ORC5: variants seen among roughly 807,000 people sequenced by gnomAD.
ORC5 encodes the protein origin recognition complex subunit 5, also known as protein phosphatase 1, regulatory subunit 117.
A neutral mutation model predicts 58.8 loss-of-function variants in ORC5; 39 were observed. That is an observed-to-expected ratio of 0.66 (90% CI 0.51 to 0.87). ORC5 has a LOEUF of 0.87. ORC5 is among the 40% of genes least tolerant of loss of function. The pLI, the probability that ORC5 is intolerant of heterozygous loss-of-function variation, is 0.00. For synonymous variants in ORC5, 218 were observed against 177.6 expected (o/e 1.23, Z -1.81); for missense variants, 493 against 506.3 (o/e 0.97, Z 0.25).
rs1005707744 is a variant in ORC5 at position 104,133,386 on chromosome 7, T to C, written c.1262+3395A>G. Among the ~76,000 whole-genome samples, 2 of 151,250 alleles carry C rather than the reference T, an allele frequency of 1.3e-5. No individual in the cohort carries two copies. The highest frequency in any genetic ancestry group is 6.6e-5 in the Admixed American group (1 of 15,194). On this transcript the variant is annotated intron_variant, in intron 13 of 13. Coordinates refer to ENST00000297431, the MANE Select transcript of ORC5 (RefSeq NM_002553.4). This position sits in a 1 kb window ranked among gnomAD's most constrained non-coding sequence, Gnocchi z 4.7. Reference sequence around the variant, plus strand: ...AGGACTAATGGTTAAATATTAGGAGTGGGGGAGAGAGAGATGTCAAGAAGG... The same window carrying C: ...AGGACTAATGGTTAAATATTAGGAGCGGGGGAGAGAGAGATGTCAAGAAGG...
chr7:104,173,876 G>A (rs948308888), intron 8 of ORC5, among the ~76,000 whole-genome samples: 3 of 124,756 alleles, frequency 2.4e-5, no homozygotes, highest in Non-Finnish European at 3.3e-5. Flanking sequence ...ACGGAGTCTC[G>A]CTCTGTCGCC....
intron 8 of ORC5, among the ~76,000 whole-genome samples, chr7:104,181,258 G>T (rs1030537368): frequency 6.6e-6 from 1 of 152,234 alleles, no homozygotes; most frequent in South Asian, 2.1e-4. Context: ...TAGTTTTATG[G>T]AACTGCTAAT....
intron 4 of ORC5, among the ~76,000 whole-genome samples, chr7:104,196,662 C>G (rs1275476974): frequency 6.6e-6 from 1 of 152,130 alleles, no homozygotes; most frequent in African/African-American, 2.4e-5. Flanking sequence ...GCTTTAAGCA[C>G]TTCTCCCCAA....
intron 12 of ORC5, among the ~76,000 whole-genome samples, chr7:104,148,368 G>T (rs1480249292): frequency 6.6e-6 from 1 of 152,178 alleles, no homozygotes; most frequent in Non-Finnish European, 1.5e-5. Flanking sequence ...CTTTATGGAA[G>T]AAGGAAATGA....
chr7:104,187,828 G>A (rs1467838401), intron 6 of ORC5: 31 of 986,516 alleles, frequency 3.1e-5, no homozygotes, highest in Non-Finnish European at 3.7e-5. Flanking sequence ...AATCCATCTA[G>A]ATTCTAGACC....
chr7:104,176,809 C>T (rs1427008875), intron 8 of ORC5, among the ~76,000 whole-genome samples: 2 of 152,090 alleles, frequency 1.3e-5, no homozygotes, highest in Admixed American at 6.5e-5. Context: ...TCAGAATTGT[C>T]GGCATAAACT....
In ORC5 at chr7:104,183,999, A is replaced by G; in HGVS notation, c.768T>C (p.Asn256=). 6.2e-7 allele frequency: 1 copy of G among 1,613,762 alleles called. No homozygotes were observed. The highest frequency in any genetic ancestry group is 8.5e-7 in the Non-Finnish European group (1 of 1,179,850). Residue 256 remains asparagine (N), a synonymous_variant, in exon 8 of 14, where the codon AAT becomes AAC. Transcript: ENST00000297431. ...TAGCTTTCTTCAAATGAGGTTCAATATTTCTCCACAGTTTGCGAGTATCAC... is the reference window on the plus strand; with the variant it reads ...TAGCTTTCTTCAAATGAGGTTCAATGTTTCTCCACAGTTTGCGAGTATCAC... The part of the protein sequence containing the change: ...SERDTRKLWR[N]IEPHLKKAMQ...
rs1000864860 is a variant in ORC5 at position 104,129,081 on chromosome 7, A to G, written c.1263-2188T>C. Among the ~76,000 whole-genome samples, 7 of 152,172 alleles carry G rather than the reference A, an allele frequency of 4.6e-5. No homozygotes were observed. Among genetic ancestry groups the G allele is most frequent in the Admixed American group, 3.9e-4 (6 of 15,274 alleles). ...ATATTAAGGGAGAAAGGGAGAAGAA[A>G]TAATTGCAAGTAAGTTGTGACGGCT... On this transcript the variant is annotated intron_variant, in intron 13 of 13. Coordinates refer to ENST00000297431, the MANE Select transcript of ORC5 (RefSeq NM_002553.4). The surrounding 1 kb of genome is among the most constrained non-coding windows in gnomAD (Gnocchi z 4.9).
chr7:104,152,876 AT>A (rs1214407267), intron 12 of ORC5, among the ~76,000 whole-genome samples: 1 of 152,204 alleles, frequency 6.6e-6, no homozygotes, highest in Non-Finnish European at 1.5e-5. Context: ...AATTTTTTAA[AT>A]CCCTTAGGCA....
intron 12 of ORC5, among the ~76,000 whole-genome samples, chr7:104,150,945 G>A (rs1224300597): frequency 6.6e-6 from 1 of 152,132 alleles, no homozygotes; most frequent in Non-Finnish European, 1.5e-5. Flanking sequence ...AGGGAGGGAG[G>A]CAAAGTGCAG....
At chr7:104,194,475 C>T (rs1799751428) in intron 5 of ORC5, among the ~76,000 whole-genome samples, 1 of 151,920 alleles carries the variant, frequency 6.6e-6, no homozygotes, top group Admixed American at 6.6e-5. Context: ...CAAAGCTATT[C>T]AGCAACACAA....
At chr7:104,166,258 C>G (rs1799105276) in intron 10 of ORC5, among the ~76,000 whole-genome samples, 1 of 151,760 alleles carries the variant, frequency 6.6e-6, no homozygotes, top group African/African-American at 2.4e-5. Context: ...TCCAGAAAGA[C>G]AGAACATACA....
intron 12 of ORC5, among the ~76,000 whole-genome samples, chr7:104,137,622 C>T (rs1289394636): frequency 1.3e-5 from 2 of 152,066 alleles, no homozygotes; most frequent in African/African-American, 4.8e-5. Context: ...GAGGAATACA[C>T]TGGCAGAAGA....
At chr7:104,143,492 G>A (rs1238294408) in intron 12 of ORC5, among the ~76,000 whole-genome samples, 1 of 152,010 alleles carries the variant, frequency 6.6e-6, no homozygotes, top group African/African-American at 2.4e-5. Context: ...AGATTCCCCG[G>A]CTAAATTAAT....
At position 104,148,608 on chromosome 7, in the gene ORC5, A is replaced by G. The variant is rs79312405; in HGVS notation, c.1150-11715T>C. 1.6e-4 allele frequency among the ~76,000 whole-genome samples: 25 copies of G among 152,330 alleles called. No homozygotes were observed. The East Asian group carries it at 4.8e-3, about 29-fold the overall frequency. Reference sequence around the variant, plus strand: ...ACAATACTGTGAACAGAATTGTTAGATGTATGAGTTTGATGTCACAAAAGT... The same window carrying G: ...ACAATACTGTGAACAGAATTGTTAGGTGTATGAGTTTGATGTCACAAAAGT... On this transcript the variant is annotated intron_variant, in intron 12 of 13. Coordinates refer to ENST00000297431, the MANE Select transcript of ORC5 (RefSeq NM_002553.4).
At chr7:104,184,098 T>C (rs1799491495) in intron 7 of ORC5, 25 bp downstream of exon 7, 1 of 1,588,112 alleles carries the variant, frequency 6.3e-7, no homozygotes, top group African/African-American at 1.4e-5. Context: ...AAAATAAATA[T>C]TAATGAGTAA....
intron 12 of ORC5, among the ~76,000 whole-genome samples, chr7:104,158,292 G>T (rs562811652): frequency 6.6e-6 from 1 of 152,078 alleles, no homozygotes; most frequent in Non-Finnish European, 1.5e-5. Context: ...GCTGAAACTG[G>T]ATCCCTTCCT....
chr7:104,197,697 G>A, intron 4 of ORC5, 28 bp downstream of exon 4: 1 of 1,484,266 alleles, frequency 6.7e-7, no homozygotes, highest in Non-Finnish European at 9.3e-7. Context: ...TAAGTTGTGG[G>A]GAGAAAGCAC....
At chr7:104,162,657 TC>T (rs1389391207) in intron 11 of ORC5, among the ~76,000 whole-genome samples, 1 of 152,212 alleles carries the variant, frequency 6.6e-6, no homozygotes, top group Non-Finnish European at 1.5e-5. Flanking sequence ...ACTAAATACT[TC>T]AAATATATAA....
Sources: gnomAD v4.1 joint callset for allele counts (sites outside exome capture counted in the v4.1 genomes callset) on GRCh38, gnomAD v4.1.1 for gene constraint, Gnocchi (gnomAD v3.1) non-coding constraint, MANE v1.5 for transcripts, NCBI Gene and HGNC (gene_info 2026-07-23, HGNC 2026-07-21) for gene names.